TBC1D15: variants seen among roughly 807,000 people sequenced by gnomAD.
The protein encoded by TBC1D15 is GAP for RAB7.
In TBC1D15, 39 loss-of-function variants were observed where a neutral mutation model predicts 95.4. The ratio of observed to expected loss-of-function variants is 0.41; its 90% CI spans 0.32 to 0.53. TBC1D15 has a LOEUF of 0.53. Ranked by LOEUF, TBC1D15 falls within the 20% of genes least tolerant of loss-of-function variation. The pLI, the probability that TBC1D15 is intolerant of heterozygous loss-of-function variation, is 0.29. For missense variants in TBC1D15, 733 were observed against 794.3 expected (o/e 0.92, Z 0.93); for synonymous variants, 258 against 261.3 (o/e 0.99, Z 0.12).
chr12:71,841,409 T>G (rs1203905922), intron 1 of TBC1D15, among the ~76,000 whole-genome samples: 1 of 152,198 alleles, frequency 6.6e-6, no homozygotes, highest in Non-Finnish European at 1.5e-5. Flanking sequence ...TTCACATCTA[T>G]TGCCATCACT....
intron 11 of TBC1D15, among the ~76,000 whole-genome samples, chr12:71,911,960 A>G (rs1902484827): frequency 6.6e-6 from 1 of 152,152 alleles, no homozygotes; most frequent in Non-Finnish European, 1.5e-5. Flanking sequence ...ACTTAATAAT[A>G]AAGCACTTTT....
chr12:71,906,989 G>T, intron 10 of TBC1D15, 33 bp from the exon 11 acceptor site: 1 of 1,407,946 alleles, frequency 7.1e-7, no homozygotes, highest in South Asian at 1.3e-5. Flanking sequence ...TTTTTTGGAA[G>T]CTTTTCAAAT....
rs779141115 is a variant in TBC1D15 at position 71,855,250 on chromosome 12, G to A, written c.30+15439G>A. On this transcript the variant is annotated intron_variant, in intron 1 of 16. Coordinates refer to ENST00000485960, the MANE Select transcript of TBC1D15 (RefSeq NM_001146213.3). ...TTATGATCCAGTCACCTCCCACTGG[G>A]TTCCTCCCTCAACGTGGGGTTTACA... is the stretch of plus-strand genomic sequence containing the variant. 1.1e-3 allele frequency among the ~76,000 whole-genome samples: 168 copies of A among 152,116 alleles called. 1 individual carries two copies. Among genetic ancestry groups the A allele is most frequent in the Admixed American group, 2.2e-3 (33 of 15,270 alleles).
rs151190792 is a variant in TBC1D15, at chr12:71,888,583, G to C, written c.554+3562G>C. 3.6e-3 allele frequency among the ~76,000 whole-genome samples: 543 copies of C among 152,170 alleles called. 5 individuals carry two copies. The highest frequency in any genetic ancestry group is 0.013 in the African/African-American group (527 of 41,516). On this transcript the variant is annotated intron_variant, in intron 5 of 16. Coordinates refer to ENST00000485960, the MANE Select transcript of TBC1D15 (RefSeq NM_001146213.3). ...TTAGTTTTGAACTAAACTGGCTGTTGTTACTTCTTGACACCTACAGGCTTT... is the reference window on the plus strand; with the variant it reads ...TTAGTTTTGAACTAAACTGGCTGTTCTTACTTCTTGACACCTACAGGCTTT...
At chr12:71,907,639 C>G (rs1901066669) in intron 11 of TBC1D15, 1 of 152,166 alleles carries the variant, frequency 6.6e-6, no homozygotes, top group Non-Finnish European at 1.5e-5. Flanking sequence ...GACCTAACTG[C>G]TTAATAAATG....
At chr12:71,908,773 G>A (rs549760122) in intron 11 of TBC1D15, among the ~76,000 whole-genome samples, 1 of 152,252 alleles carries the variant, frequency 6.6e-6, no homozygotes, top group African/African-American at 2.4e-5. Flanking sequence ...AATTCTCGTA[G>A]CAGCCTTTTG....
At chr12:71,842,557 G>A (rs952327037) in intron 1 of TBC1D15, among the ~76,000 whole-genome samples, 1 of 152,146 alleles carries the variant, frequency 6.6e-6, no homozygotes, top group African/African-American at 2.4e-5. Context: ...GGAACCAGGT[G>A]CCGTGGCTCA....
Position 71,913,813 on chromosome 12 carries a change from CT to C in TBC1D15, c.1301-9del, listed in dbSNP as rs1903026412. ...CTTGGGTTTTCAGAGATGATTTTTT[CT>C]TTTCTTTTTAGGATATGTTCAAGGA... On this transcript the variant is annotated splice_polypyrimidine_tract_variant and intron_variant, in intron 11 of 16. Transcript: ENST00000485960. 6.5e-7 allele frequency: 1 copy of C among 1,549,692 alleles called. No homozygotes were observed. The highest frequency in any genetic ancestry group is 1.2e-5 in the South Asian group (1 of 82,128).
intron 10 of TBC1D15, 31 bp downstream of exon 10, chr12:71,897,972 A>T (rs369407828): frequency 9.4e-6 from 14 of 1,483,470 alleles, no homozygotes; most frequent in Non-Finnish European, 1.0e-5. Context: ...TTGGAAATGC[A>T]AGGGGGGATT....
At chr12:71,861,499 A>G in intron 1 of TBC1D15, 3 of 1,532,834 alleles carry the variant, frequency 2.0e-6, no homozygotes, top group Non-Finnish European at 2.6e-6. Context: ...GGAGTATGGT[A>G]GGTAGTCTCT....
rs760839728 is a variant in TBC1D15 at position 71,844,153 on chromosome 12, CT to C, written c.30+4344del. Among the ~76,000 whole-genome samples, 13 of 152,304 alleles carry C rather than the reference CT, an allele frequency of 8.5e-5. No homozygotes were observed. The South Asian group carries it at 2.7e-3, about 32-fold the overall frequency. Reference sequence around the variant, plus strand: ...CTTTCCTCATCCCCACTACCATTGCCTTAGTTCAAGCAACCATGAGTCTCTC... The same window carrying C: ...CTTTCCTCATCCCCACTACCATTGCCTAGTTCAAGCAACCATGAGTCTCTC... On this transcript the variant is annotated intron_variant, in intron 1 of 16. Transcript: ENST00000485960.
chr12:71,908,967 G>C (rs1901502047), intron 11 of TBC1D15, among the ~76,000 whole-genome samples: 2 of 152,188 alleles, frequency 1.3e-5, no homozygotes, highest in Admixed American at 1.3e-4. Flanking sequence ...TGTTACCACT[G>C]TAGGGAATAG....
intron 11 of TBC1D15, among the ~76,000 whole-genome samples, chr12:71,911,197 T>C (rs1403120014): frequency 6.6e-6 from 1 of 152,110 alleles, no homozygotes; most frequent in African/African-American, 2.4e-5. Flanking sequence ...AGTTCAACCA[T>C]TGTGGAAGTC....
chr12:71,896,160 T>G lies in TBC1D15; in HGVS notation c.984+85T>G, dbSNP rs941404491. 255 of 1,341,226 alleles carry G rather than the reference T, an allele frequency of 1.9e-4. 1 individual carries two copies. The South Asian group carries it at 2.1e-3, about 11-fold the overall frequency. The allele number at this position is 1,341,226 out of a possible 1,614,324, so 83.1% of individuals were successfully genotyped here. A position where few individuals can be genotyped will look rare whatever the true frequency, so the allele number is the denominator to read the frequency against. On this transcript the variant is annotated intron_variant, in intron 8 of 16. Transcript: ENST00000485960. ...TGTTATCGTTACTGTTTTGGTGTGT[T>G]TTTTTTTGTTGTTGGTTTTTTTTTT...
chr12:71,903,944 A>G (rs73336858), intron 10 of TBC1D15, among the ~76,000 whole-genome samples: 4,094 of 152,142 alleles, frequency 0.027, 184 homozygotes, highest in African/African-American at 0.092. Context: ...TGTACACCAA[A>G]CCCCCATGAC....
intron 10 of TBC1D15, among the ~76,000 whole-genome samples, chr12:71,902,098 A>G (rs1200322613): frequency 6.6e-6 from 1 of 152,188 alleles, no homozygotes; most frequent in Non-Finnish European, 1.5e-5. Flanking sequence ...AGATAACACA[A>G]ACAAATAGAA....
At chr12:71,868,222 G>A (rs944168122) in intron 1 of TBC1D15, among the ~76,000 whole-genome samples, 1 of 150,422 alleles carries the variant, frequency 6.6e-6, no homozygotes, top group Non-Finnish European at 1.5e-5. Context: ...ACAGAATACA[G>A]AATGAGTGCA....
chr12:71,906,560 A>C (rs983846109), intron 10 of TBC1D15, among the ~76,000 whole-genome samples: 1 of 152,086 alleles, frequency 6.6e-6, no homozygotes, highest in African/African-American at 2.4e-5. Context: ...GAATTTGATT[A>C]TACTTCTTAT....
At chr12:71,877,192 A>ATT (rs1894036662) in intron 3 of TBC1D15, among the ~76,000 whole-genome samples, 1 of 141,774 alleles carries the variant, frequency 7.1e-6, no homozygotes, top group South Asian at 2.2e-4. Flanking sequence ...ATCCCATGTT[A>ATT]TGTGTGTGTG....
Sources: gnomAD v4.1 joint callset for allele counts (sites outside exome capture counted in the v4.1 genomes callset) on GRCh38, gnomAD v4.1.1 for gene constraint, MANE v1.5 for transcripts, NCBI Gene and HGNC (gene_info 2026-07-23, HGNC 2026-07-21) for gene names.